BCAS4: variants seen among roughly 807,000 people sequenced by gnomAD.
BCAS4 encodes the protein breast carcinoma amplified sequence 4.
Under a neutral mutation model 15.7 loss-of-function variants are expected in BCAS4, and 9 were observed. The ratio of observed to expected loss-of-function variants is 0.57; its 90% CI spans 0.34 to 1.00. The LOEUF (loss-of-function observed/expected upper bound fraction) is 1.00. Ranked by LOEUF, BCAS4 falls within the 50% of genes least tolerant of loss-of-function variation. The probability of loss-of-function intolerance (pLI) is 0.02; values close to 1 mark genes in which losing one functional copy is unlikely to be tolerated. For synonymous variants in BCAS4, 101 were observed against 99.5 expected (o/e 1.02, Z -0.09); for missense variants, 225 against 239.1 (o/e 0.94, Z 0.39).
chr20:50,839,525 A>G (rs1270179491), intron 3 of BCAS4, among the ~76,000 whole-genome samples: 1 of 152,184 alleles, frequency 6.6e-6, no homozygotes, highest in Non-Finnish European at 1.5e-5. Flanking sequence ...GTTTTTTGAA[A>G]TGGAGCTTGC....
At chr20:50,856,800 AG>A (rs1978781512) in intron 4 of BCAS4, among the ~76,000 whole-genome samples, 1 of 152,148 alleles carries the variant, frequency 6.6e-6, no homozygotes, top group Admixed American at 6.5e-5. Flanking sequence ...CTCTCTGGCC[AG>A]CAGTCATTTA....
intron 2 of BCAS4, among the ~76,000 whole-genome samples, chr20:50,829,156 C>G (rs2088313262): frequency 6.6e-6 from 1 of 152,212 alleles, no homozygotes; most frequent in Admixed American, 6.5e-5. Flanking sequence ...AGACTGTTGG[C>G]TGAAAGTGCG....
At chr20:50,856,848 T>C (rs1978784710) in intron 4 of BCAS4, among the ~76,000 whole-genome samples, 1 of 152,202 alleles carries the variant, frequency 6.6e-6, no homozygotes, top group Admixed American at 6.5e-5. Flanking sequence ...TCTGATTGAT[T>C]GATTGATGAG....
At chr20:50,834,060 A>G (rs2088376505) in intron 3 of BCAS4, among the ~76,000 whole-genome samples, 1 of 152,166 alleles carries the variant, frequency 6.6e-6, no homozygotes, top group South Asian at 2.1e-4. Context: ...GCTCAAGGTC[A>G]GGAATGAGAC....
intron 1 of BCAS4, among the ~76,000 whole-genome samples, chr20:50,799,227 G>A (rs1014396424): frequency 2.0e-5 from 3 of 152,154 alleles, no homozygotes; most frequent in African/African-American, 4.8e-5. Context: ...GAAACTGCGT[G>A]TATTCATTTC....
chr20:50,805,834 G>A (rs979999307), intron 1 of BCAS4, among the ~76,000 whole-genome samples: 17 of 152,086 alleles, frequency 1.1e-4, no homozygotes, highest in African/African-American at 2.4e-4. Context: ...ACTTAGCCAG[G>A]CGTGGTGGTG....
At chr20:50,859,017 T>C (rs1236963077) in intron 4 of BCAS4, among the ~76,000 whole-genome samples, 1 of 152,050 alleles carries the variant, frequency 6.6e-6, no homozygotes, top group African/African-American at 2.4e-5. Flanking sequence ...CACTGCAGCC[T>C]TGACCTCCTG....
chr20:50,869,085 A>T (rs1268096656), intron 4 of BCAS4, among the ~76,000 whole-genome samples: 1 of 152,222 alleles, frequency 6.6e-6, no homozygotes, highest in Non-Finnish European at 1.5e-5. Context: ...TGATGGCGTT[A>T]TCCCCGTTTT....
At chr20:50,833,778 G>A (rs1188697478) in intron 3 of BCAS4, among the ~76,000 whole-genome samples, 1 of 152,198 alleles carries the variant, frequency 6.6e-6, no homozygotes, top group African/African-American at 2.4e-5. Context: ...GATGGGTGCT[G>A]GGCATATGGC....
rs557312660 is a variant in BCAS4, at chr20:50,831,097, T to G, written c.264+717T>G. On this transcript the variant is annotated intron_variant, in intron 3 of 4. Transcript: ENST00000371608. ...TGACCCAAATTGAGAGAGAGAACATTTCCAGCCCCTGGGTTGCATTCTTGC... is the reference window on the plus strand; with the variant it reads ...TGACCCAAATTGAGAGAGAGAACATGTCCAGCCCCTGGGTTGCATTCTTGC... 4.2e-4 allele frequency among the ~76,000 whole-genome samples: 64 copies of G among 152,128 alleles called. 1 individual carries two copies. Among genetic ancestry groups the G allele is most frequent in the African/African-American group, 1.5e-3 (62 of 41,500 alleles).
intron 1 of BCAS4, among the ~76,000 whole-genome samples, chr20:50,802,197 C>T (rs966291879): frequency 6.6e-6 from 1 of 152,070 alleles, no homozygotes; most frequent in Non-Finnish European, 1.5e-5. Context: ...GACCCTGTCT[C>T]AAAAATAATA....
At chr20:50,850,248 C>T (rs1978339335) in intron 4 of BCAS4, among the ~76,000 whole-genome samples, 1 of 152,236 alleles carries the variant, frequency 6.6e-6, no homozygotes, top group Non-Finnish European at 1.5e-5. Flanking sequence ...TGTAACAACA[C>T]CAGAGGCAGA....
At chr20:50,839,861 T>C (rs2088455288) in intron 3 of BCAS4, among the ~76,000 whole-genome samples, 1 of 152,248 alleles carries the variant, frequency 6.6e-6, no homozygotes, top group Non-Finnish European at 1.5e-5. Flanking sequence ...TGGAGGCTGA[T>C]AGAAGTTAAG....
At chr20:50,820,908 A>G (rs528008022) in intron 2 of BCAS4, among the ~76,000 whole-genome samples, 28 of 152,324 alleles carry the variant, frequency 1.8e-4, no homozygotes, top group South Asian at 1.2e-3. Flanking sequence ...TGGGGGGGAA[A>G]AAAGCAGGCA....
At position 50,875,116 on chromosome 20, in the gene BCAS4, C is replaced by T. The variant is rs181050464; in HGVS notation, c.400-1370C>T. ...AATCACCTGGGAGCTGTGAAATGTC[C>T]CACACCCAGGCCACGCCCCCGAGTA... On this transcript the variant is annotated intron_variant, in intron 4 of 4. Transcript: ENST00000371608. Among the ~76,000 whole-genome samples the T allele has an allele frequency of 2.0e-5, 3 of 152,352 alleles. No homozygotes were observed. In the East Asian group the frequency reaches 5.8e-4, roughly 29 times the overall value.
At chr20:50,865,231 A>G (rs1427221134) in intron 4 of BCAS4, among the ~76,000 whole-genome samples, 3 of 152,156 alleles carry the variant, frequency 2.0e-5, no homozygotes, top group Non-Finnish European at 4.4e-5. Flanking sequence ...CAAACCATCA[A>G]TTGAAGGAGG....
chr20:50,798,524 A>G (rs1022659844), intron 1 of BCAS4, among the ~76,000 whole-genome samples: 3 of 152,148 alleles, frequency 2.0e-5, no homozygotes, highest in Admixed American at 6.5e-5. Flanking sequence ...TAATAAAAAA[A>G]TAAAAATAAA....
Position 50,818,243 on chromosome 20 carries a change from G to A in BCAS4, c.123G>A (p.Met41Ile). The A allele has an allele frequency of 6.2e-7, 1 of 1,613,896 alleles. No individual in the cohort carries two copies. The highest frequency in any genetic ancestry group is 8.5e-7 in the Non-Finnish European group (1 of 1,180,008). The change falls in exon 2 of 5, where the codon ATG (methionine) becomes ATA (isoleucine). Residue 41 changes from methionine to isoleucine, a missense_variant. Met to Ile is a conservative substitution (Grantham distance 10). Transcript: ENST00000371608. ...AKEVEETIEG[M>I]LLRLEEFCSL... The stretch of plus-strand genomic sequence containing the variant: ...AGGTGGAGGAGACCATCGAGGGCAT[G>A]CTCCTCAGGCTGGAAGAGTTTTGCA...
chr20:50,817,595 G>GT (rs1272616643), intron 1 of BCAS4, among the ~76,000 whole-genome samples: 1 of 152,090 alleles, frequency 6.6e-6, no homozygotes, highest in Non-Finnish European at 1.5e-5. Flanking sequence ...CGGAGTAGCT[G>GT]TGACTACAGG....
Sources: gnomAD v4.1 joint callset for allele counts (sites outside exome capture counted in the v4.1 genomes callset) on GRCh38, gnomAD v4.1.1 for gene constraint, MANE v1.5 for transcripts, NCBI Gene and HGNC (gene_info 2026-07-23, HGNC 2026-07-21) for gene names.